Variants in MYCBP2 observed in about 807,000 individuals in gnomAD.
MYCBP2 encodes MYC binding protein 2, also known as E3 ubiquitin-protein ligase MYCBP2.
In MYCBP2, 120 loss-of-function variants were observed where a neutral mutation model predicts 525.3. The observed-to-expected ratio is 0.23, with a 90% CI of 0.20 to 0.27. The LOEUF is 0.27. Ranked by LOEUF, MYCBP2 falls within the 10% of genes least tolerant of loss-of-function variation. MYCBP2 has a pLI of 1.00. For missense variants in MYCBP2, 4,149 were observed against 5,657.1 expected (o/e 0.73, Z 8.55); for synonymous variants, 1,894 against 1,955.8 (o/e 0.97, Z 0.83).
At chr13:77,268,353 A>G (rs1478675593) in intron 7 of MYCBP2, among the ~76,000 whole-genome samples, 1 of 152,244 alleles carries the variant, frequency 6.6e-6, no homozygotes, top group Non-Finnish European at 1.5e-5. Context: ...ACACACTGCT[A>G]TAATAATATA....
At chr13:77,261,045 C>T (rs895921737) in intron 12 of MYCBP2, 126 bp downstream of exon 12, 10 of 687,478 alleles carry the variant, frequency 1.5e-5, no homozygotes, top group Non-Finnish European at 2.1e-5. Context: ...TACATCAAGT[C>T]AATGATATAT....
chr13:77,044,715 T>A lies in MYCBP2; in HGVS notation c.*663A>T, dbSNP rs566131857. The A allele has an allele frequency of 2.5e-6, 1 of 398,764 alleles. No individual in the cohort carries two copies. The highest frequency in any genetic ancestry group is 1.3e-4 in the South Asian group (1 of 7,848). 24.7% of individuals were successfully genotyped at this position (398,764 alleles called of 1,614,324 possible). On this transcript the variant is annotated 3_prime_UTR_variant, in exon 83 of 83. Transcript: ENST00000544440. ...TTTTATTGACATGTACATTCCAATA[T>A]GTTTACAGCTGCAAGATAATGAGGC...
chr13:77,175,796 A>G (rs2059638674), intron 36 of MYCBP2, among the ~76,000 whole-genome samples: 1 of 151,996 alleles, frequency 6.6e-6, no homozygotes, highest in Non-Finnish European at 1.5e-5. Flanking sequence ...CCCCTCTACT[A>G]AAAATACAAA....
intron 52 of MYCBP2, among the ~76,000 whole-genome samples, chr13:77,134,564 AAAC>A (rs1181173490): frequency 6.6e-6 from 1 of 151,452 alleles, no homozygotes; most frequent in African/African-American, 2.4e-5. Context: ...ACAAAACAAA[AAAC>A]AACAACAAAA....
intron 1 of MYCBP2, among the ~76,000 whole-genome samples, chr13:77,311,555 GTTTTTTTTTGTTTT>G (rs370039299): frequency 0.026 from 3,630 of 142,210 alleles, 142 homozygotes; most frequent in African/African-American, 0.086. Context: ...GGAAAGAGAA[GTTTTTTTTTGTTTT>G]TTTTTTTTTG....
intron 34 of MYCBP2, among the ~76,000 whole-genome samples, chr13:77,179,416 C>T (rs907706176): frequency 1.3e-5 from 2 of 152,070 alleles, no homozygotes; most frequent in African/African-American, 4.8e-5. Context: ...TCAGTCAAAA[C>T]ATTCAGTTAA....
At chr13:77,183,535 C>T (rs986663816) in intron 32 of MYCBP2, among the ~76,000 whole-genome samples, 6 of 79,572 alleles carry the variant, frequency 7.5e-5, no homozygotes, top group African/African-American at 2.5e-4. Context: ...GTGATAGTCC[C>T]TATTTCTTTT....
intron 17 of MYCBP2, among the ~76,000 whole-genome samples, chr13:77,235,569 A>T (rs957491248): frequency 6.6e-6 from 1 of 152,100 alleles, no homozygotes; most frequent in African/African-American, 2.4e-5. Context: ...CATTCTAGAG[A>T]TGATAAGTCC....
In MYCBP2 at chr13:77,285,543, T is replaced by C. The variant is rs374218845; in HGVS notation, c.594+2618A>G. Among the ~76,000 whole-genome samples, 280 of 152,270 alleles carry C rather than the reference T, an allele frequency of 1.8e-3. 1 individual carries two copies. Among genetic ancestry groups the C allele is most frequent in the African/African-American group, 6.0e-3 (250 of 41,552 alleles). ...GACTCACACCTGTAATCCCAGCACT[T>C]TGGGAGGCCAAGGTGGGTAGATCAC... On this transcript the variant is annotated intron_variant, in intron 3 of 82. Coordinates refer to ENST00000544440, the MANE Select transcript of MYCBP2 (RefSeq NM_015057.5).
chr13:77,302,959 A>G (rs1455186031), intron 1 of MYCBP2, among the ~76,000 whole-genome samples: 5 of 152,252 alleles, frequency 3.3e-5, no homozygotes, highest in African/African-American at 1.2e-4. Flanking sequence ...TCCACAATTG[A>G]AAGAGTAAGT....
chr13:77,131,487 A>AACACAC (rs369448891), intron 52 of MYCBP2, among the ~76,000 whole-genome samples: 172 of 136,212 alleles, frequency 1.3e-3, no homozygotes, highest in East Asian at 9.6e-3. Context: ...CTTCATCTCA[A>AACACAC]ACACACACAC....
intron 40 of MYCBP2, among the ~76,000 whole-genome samples, chr13:77,167,771 T>C (rs2058702804): frequency 6.6e-6 from 1 of 152,150 alleles, no homozygotes; most frequent in Non-Finnish European, 1.5e-5. Context: ...ATAAGACAGG[T>C]CTGACTAACA....
At chr13:77,068,320 T>C (rs1255553854) in intron 70 of MYCBP2, among the ~76,000 whole-genome samples, 2 of 151,672 alleles carry the variant, frequency 1.3e-5, no homozygotes, top group African/African-American at 2.4e-5. Context: ...CATGGTAATA[T>C]GGTAATCAGT....
chr13:77,307,639 A>C (rs185690181), intron 1 of MYCBP2, among the ~76,000 whole-genome samples: 3,945 of 149,584 alleles, frequency 0.026, 229 homozygotes, highest in African/African-American at 0.091. Flanking sequence ...AAAAAAAAAA[A>C]AAAAAAAAAA....
chr13:77,209,494 A>T (rs2063724949), intron 23 of MYCBP2, among the ~76,000 whole-genome samples: 1 of 152,236 alleles, frequency 6.6e-6, no homozygotes, highest in Admixed American at 6.5e-5. Flanking sequence ...TTGGTAACTA[A>T]GTCTCTTGAA....
intron 80 of MYCBP2, among the ~76,000 whole-genome samples, chr13:77,053,958 T>C (rs757890030): frequency 6.6e-6 from 1 of 152,132 alleles, no homozygotes; most frequent in African/African-American, 2.4e-5. Context: ...GGCAGAGAGA[T>C]AAGTGGTCCA....
rs112373867 is a variant in MYCBP2 at position 77,194,093 on chromosome 13, T to C, written c.3935+60A>G. 17 of 1,059,366 alleles carry C rather than the reference T, an allele frequency of 1.6e-5. No individual in the cohort carries two copies. In the African/African-American group the frequency reaches 2.4e-4, roughly 15 times the overall value. 65.6% of individuals were successfully genotyped at this position (1,059,366 alleles called of 1,614,324 possible). A position where few individuals can be genotyped will look rare whatever the true frequency, so the allele number is the denominator to read the frequency against. On this transcript the variant is annotated intron_variant, in intron 27 of 82. Transcript: ENST00000544440. ...CTTTTAAAGTATGTTTATTCATTTA[T>C]AATAAATTTTTAATATTAAGTATGC...
At chr13:77,151,058 C>G in intron 46 of MYCBP2, 109 bp from the exon 47 acceptor site, 1 of 891,798 alleles carries the variant, frequency 1.1e-6, no homozygotes, top group Non-Finnish European at 1.7e-6. Context: ...TTTATGTTAG[C>G]ATTGGTCTGT....
chr13:77,140,061 T>A lies in MYCBP2; in HGVS notation c.7504A>T (p.Thr2502Ser). 6.2e-7 allele frequency: 1 copy of A among 1,603,426 alleles called. No individual in the cohort carries two copies. Among genetic ancestry groups the A allele is most frequent in the Non-Finnish European group, 8.5e-7 (1 of 1,176,692 alleles). ...IGIVKVNGTI[T>S]FIDEIHNDDG... ...TTATCAATTACCTCATCAATAAAAG[T>A]GATAGTTCCATTGACTTTCACTATG... is the stretch of plus-strand genomic sequence containing the variant. The change falls in exon 51 of 83, where the codon ACT (threonine) becomes TCT (serine). Residue 2502 changes from threonine (T) to serine (S), a missense_variant. Around this residue, in one of 21 missense-constraint regions of MYCBP2, gnomAD observed 692 missense variants for 852.7 expected, o/e 0.81. Coordinates refer to ENST00000544440, the MANE Select transcript of MYCBP2 (RefSeq NM_015057.5).
Sources: gnomAD v4.1 joint callset for allele counts (sites outside exome capture counted in the v4.1 genomes callset) on GRCh38, gnomAD v4.1.1 for gene constraint, gnomAD v4.1.1 regional missense constraint, MANE v1.5 for transcripts, NCBI Gene and HGNC (gene_info 2026-07-23, HGNC 2026-07-21) for gene names.